The following HAUS3 variants were observed in gnomAD, a reference collection of about 807,000 sequenced individuals.
HAUS3 encodes the protein HAUS augmin like complex subunit 3, also known as HAUS augmin-like complex subunit 3.
In HAUS3, 36 loss-of-function variants were observed where a neutral mutation model predicts 55.2. The observed-to-expected ratio is 0.65, with a 90% CI of 0.50 to 0.86. The LOEUF is 0.86. HAUS3 is among the 40% of genes least tolerant of loss of function. HAUS3 has a pLI of 0.00. For synonymous variants in HAUS3, 234 were observed against 238.6 expected (o/e 0.98, Z 0.18); for missense variants, 752 against 671.5 (o/e 1.12, Z -1.33).
In HAUS3 at chr4:2,238,693, G is replaced by A. The variant is rs1041683115; in HGVS notation, c.1260C>T (p.Tyr420=). 3.1e-6 allele frequency: 5 copies of A among 1,612,898 alleles called. No individual in the cohort carries two copies. Among genetic ancestry groups the A allele is most frequent in the South Asian group, 1.1e-5 (1 of 91,048 alleles). Residue 420 remains tyrosine, a synonymous_variant, in exon 4 of 6, where the codon TAC becomes TAT. Coordinates refer to ENST00000443786, the MANE Select transcript of HAUS3 (RefSeq NM_001303143.2). The part of the protein sequence containing the change: ...QELSQSNMML[Y]KQLEMLTDPS... ...GATCTGTTAACATTTCTAATTGCTTGTAGAGCATCATGTTACTTTGACTAA... is the reference window on the plus strand; with the variant it reads ...GATCTGTTAACATTTCTAATTGCTTATAGAGCATCATGTTACTTTGACTAA...
At chr4:2,232,575 G>C (rs1734620887) in intron 5 of HAUS3, among the ~76,000 whole-genome samples, 7 of 152,138 alleles carry the variant, frequency 4.6e-5, no homozygotes. Flanking sequence ...TGGACAGAAG[G>C]TACAGAGAAA....
intron 3 of HAUS3, 57 bp from the exon 4 acceptor site, chr4:2,239,100 T>A (rs1412921981): frequency 2.1e-6 from 2 of 932,298 alleles, no homozygotes; most frequent in Non-Finnish European, 3.1e-6. Context: ...GAAATCATCT[T>A]AAGATTATTT....
Position 2,240,206 on chromosome 4 carries a change from A to G in HAUS3, c.741T>C (p.Ser247=), listed in dbSNP as rs757362248. Reference sequence around the variant, plus strand: ...CAAGGATTTCTTGATTATCACAAATAGATGGTGTCTGTATATCTAAAAGTT... The same window carrying G: ...CAAGGATTTCTTGATTATCACAAATGGATGGTGTCTGTATATCTAAAAGTT... The part of the protein sequence containing the change: ...NFQLLDIQTP[S]ICDNQEILEE... Residue 247 remains serine (S), a synonymous_variant, in exon 3 of 6, where the codon TCT becomes TCC. Transcript: ENST00000443786. The G allele has an allele frequency of 1.2e-6, 2 of 1,614,010 alleles. No individual in the cohort carries two copies. The highest frequency in any genetic ancestry group is 2.2e-5 in the South Asian group (2 of 91,062).
chr4:2,240,872 T>C lies in HAUS3; in HGVS notation c.75A>G (p.Glu25=). 1 of 1,611,208 alleles carries C rather than the reference T, an allele frequency of 6.2e-7. No homozygotes were observed. The highest frequency in any genetic ancestry group is 8.5e-7 in the Non-Finnish European group (1 of 1,179,704). Reference sequence around the variant, plus strand: ...CGCCCTCAAACAACCAGTCAAAGTCTTCTCCATTAAGATTATCAGCTTTGG... The same window carrying C: ...CGCCCTCAAACAACCAGTCAAAGTCCTCTCCATTAAGATTATCAGCTTTGG... ...GYPKADNLNG[E]DFDWLFEGVE... is the part of the protein sequence containing the mutation. The change falls in exon 3 of 6, where the codon GAA becomes GAG. Residue 25 remains glutamate (E), a synonymous_variant. Coordinates refer to ENST00000443786, the MANE Select transcript of HAUS3 (RefSeq NM_001303143.2).
Position 2,236,339 on chromosome 4 carries a change from C to T in HAUS3, c.1467G>A (p.Leu489=). 6.2e-7 allele frequency: 1 copy of T among 1,612,998 alleles called. No homozygotes were observed. The highest frequency in any genetic ancestry group is 1.3e-5 in the African/African-American group (1 of 75,026). The change falls in exon 5 of 6, where the codon TTG becomes TTA. Residue 489 remains leucine (L), a synonymous_variant. Transcript: ENST00000443786. ...AAGAATGTTCTTGAGCAGATACTGC[C>T]AACTGATCTTGTACTAAAGAAATAT... ...KQNISLVQDQ[L]AVSAQEHSFF... is the part of the protein sequence containing the mutation.
At position 2,231,453 on chromosome 4, in the gene HAUS3, G is replaced by A. The variant is rs1439119331; in HGVS notation, c.*474C>T. 3 of 153,028 alleles carry A rather than the reference G, an allele frequency of 2.0e-5. No homozygotes were observed. The East Asian group carries it at 5.7e-4, about 29-fold the overall frequency. 9.5% of individuals were successfully genotyped at this position (153,028 alleles called of 1,614,324 possible). ...TTTCTACTAAAATACAAAAAAATTA[G>A]CTGGGTGTGGCGGTGTGCGCCTGTA... On this transcript the variant is annotated 3_prime_UTR_variant, in exon 6 of 6. Coordinates refer to ENST00000443786, the MANE Select transcript of HAUS3 (RefSeq NM_001303143.2).
chr4:2,237,167 C>A (rs1406011149), intron 4 of HAUS3, among the ~76,000 whole-genome samples: 5 of 151,984 alleles, frequency 3.3e-5, no homozygotes, highest in African/African-American at 1.2e-4. Context: ...GTAGAAACAA[C>A]AGGCTATGGC....
Position 2,240,117 on chromosome 4 carries a change from A to G in HAUS3, c.830T>C (p.Ile277Thr), listed in dbSNP as rs1194798184. 6.2e-7 allele frequency: 1 copy of G among 1,613,930 alleles called. No individual in the cohort carries two copies. Among genetic ancestry groups the G allele is most frequent in the Admixed American group, 1.7e-5 (1 of 60,004 alleles). The change falls in exon 3 of 6, where the codon ATT (isoleucine) becomes ACT (threonine). Residue 277 changes from isoleucine (I) to threonine (T), a missense_variant. By Grantham distance (89) the Ile-to-Thr change is moderately conservative. Coordinates refer to ENST00000443786, the MANE Select transcript of HAUS3 (RefSeq NM_001303143.2). ...GCTCGAATTACTTGCTTTTAAGTGA[A>G]TTAACTGATGTTGAGCACAAATGTA... ...LAYICAQHQL[I>T]HLKASNSSMK...
intron 4 of HAUS3, among the ~76,000 whole-genome samples, chr4:2,238,313 A>C (rs1734839098): frequency 6.6e-6 from 1 of 152,154 alleles, no homozygotes; most frequent in African/African-American, 2.4e-5. Context: ...CCCAAATCTA[A>C]AATAAGGTAT....
chr4:2,231,903 TAA>T lies in HAUS3; in HGVS notation c.*22_*23del. ...CTAATAAATAAAAGAGGACACGTAA[TAA>T]AGATTCAGTTTTCAGTAATTTTCAA... On this transcript the variant is annotated 3_prime_UTR_variant, in exon 6 of 6. Coordinates refer to ENST00000443786, the MANE Select transcript of HAUS3 (RefSeq NM_001303143.2). The T allele has an allele frequency of 1.0e-6, 1 of 990,734 alleles. No homozygotes were observed. Among genetic ancestry groups the T allele is most frequent in the South Asian group, 1.5e-5 (1 of 68,024 alleles). 61.4% of individuals were successfully genotyped at this position (990,734 alleles called of 1,614,324 possible).
At position 2,241,051 on chromosome 4, in the gene HAUS3, C is replaced by T. The variant is rs1188702213; in HGVS notation, c.-105G>A. The T allele has an allele frequency of 2.5e-6, 2 of 792,492 alleles. No individual in the cohort carries two copies. The highest frequency in any genetic ancestry group is 2.5e-5 in the East Asian group (1 of 39,948). The allele number at this position is 792,492 out of a possible 1,614,324, so 49.1% of individuals were successfully genotyped here. A position where few individuals can be genotyped will look rare whatever the true frequency, so the allele number is the denominator to read the frequency against. On this transcript the variant is annotated 5_prime_UTR_variant, in exon 3 of 6. In the 5' UTR this introduces an upstream ATG that the reference lacks. Coordinates refer to ENST00000443786, the MANE Select transcript of HAUS3 (RefSeq NM_001303143.2). ...AAAGCTACGTTTTATACCAAGTCCA[C>T]AGAGAAGGGAAAATATATTTTTAGA...
chr4:2,233,961 G>A (rs1734669353), intron 5 of HAUS3, among the ~76,000 whole-genome samples: 1 of 151,886 alleles, frequency 6.6e-6, no homozygotes, highest in African/African-American at 2.4e-5. Context: ...AAACCCCAAT[G>A]ACCCTATTTC....
rs879296669 is a variant in HAUS3, at chr4:2,240,732, A to G, written c.215T>C (p.Leu72Pro). 6 of 1,613,940 alleles carry G rather than the reference A, an allele frequency of 3.7e-6. No individual in the cohort carries two copies. Among genetic ancestry groups the G allele is most frequent in the Non-Finnish European group, 4.2e-6 (5 of 1,180,008 alleles). The change falls in exon 3 of 6, where the codon CTA becomes CCA. Residue 72 changes from leucine (L) to proline (P), a missense_variant. Coordinates refer to ENST00000443786, the MANE Select transcript of HAUS3 (RefSeq NM_001303143.2). ...AGCTTCATCCAATGCCGCCCCTTCT[A>G]GAATAGGCTTGCCTGATTTCTGAAG... is the stretch of plus-strand genomic sequence containing the variant. ...SILQKSGKPILEGAALDEALK... is the reference protein window; with the variant it reads ...SILQKSGKPIPEGAALDEALK...
Position 2,240,046 on chromosome 4 carries a change from T to G in HAUS3, c.901A>C (p.Thr301Pro). 1 of 1,612,072 alleles carries G rather than the reference T, an allele frequency of 6.2e-7. No individual in the cohort carries two copies. The highest frequency in any genetic ancestry group is 2.2e-5 in the East Asian group (1 of 44,868). ...KWAEESLHSLTSKAVDKENLD... is the reference protein window; with the variant it reads ...KWAEESLHSLPSKAVDKENLD... ...TCATTTCTTATGCTTACCTTGCTGG[T>G]TAGGCTGTGAAGACTCTCCTCTGCC... The change falls in exon 3 of 6, where the codon ACC becomes CCC. Residue 301 changes from threonine (T) to proline (P), a missense_variant. Physicochemically the swap from Thr to Pro is conservative, Grantham distance 38. Transcript: ENST00000443786.
chr4:2,240,676 T>C lies in HAUS3; in HGVS notation c.271A>G (p.Thr91Ala), dbSNP rs1734950963. 2.5e-6 allele frequency: 4 copies of C among 1,613,976 alleles called. No homozygotes were observed. The highest frequency in any genetic ancestry group is 1.3e-5 in the African/African-American group (1 of 75,050). Residue 91 changes from threonine (T) to alanine (A), a missense_variant, in exon 3 of 6, where the codon ACA becomes GCA. Thr to Ala is a moderately conservative substitution (Grantham distance 58, BLOSUM62 0). Coordinates refer to ENST00000443786, the MANE Select transcript of HAUS3 (RefSeq NM_001303143.2). The stretch of plus-strand genomic sequence containing the variant: ...AGCTCTTTATCATCCAGTCTAGGTG[T>C]CTTCAAATCAGAAGTTTTACACGTT... ...LKTCKTSDLK[T>A]PRLDDKELEK...
chr4:2,231,591 C>CT lies in HAUS3; in HGVS notation c.*335dup, dbSNP rs1320400024. On this transcript the variant is annotated 3_prime_UTR_variant, in exon 6 of 6. Coordinates refer to ENST00000443786, the MANE Select transcript of HAUS3 (RefSeq NM_001303143.2). ...TCCAGCCTGGAGACAGAGTGAGACT[C>CT]TATCTCAAAAAAAAATTTAACGGCA... The CT allele has an allele frequency of 5.7e-6, 1 of 174,634 alleles. No homozygotes were observed. The highest frequency in any genetic ancestry group is 1.8e-4 in the East Asian group (1 of 5,608). The allele number at this position is 174,634 out of a possible 1,614,324, so 10.8% of individuals were successfully genotyped here. A position where few individuals can be genotyped will look rare whatever the true frequency, so the allele number is the denominator to read the frequency against.
rs753286409 is a variant in HAUS3, at chr4:2,238,981, A to G, written c.972T>C (p.Leu324=). 5.7e-6 allele frequency: 9 copies of G among 1,583,552 alleles called. No homozygotes were observed. In the Admixed American group the frequency reaches 7.6e-5, roughly 13 times the overall value. ...CTTTTATTTGAGTGACCTCTTTTTC[A>G]AGTTTCATAATCTCACTGGTCAAGC... ...ISSLTSEIMK[L]EKEVTQIKDR... The change falls in exon 4 of 6, where the codon CTT becomes CTC. Residue 324 remains leucine, a synonymous_variant. Transcript: ENST00000443786.
intron 3 of HAUS3, among the ~76,000 whole-genome samples, chr4:2,239,367 C>T (rs1560106144): frequency 6.6e-6 from 1 of 152,130 alleles, no homozygotes; most frequent in Non-Finnish European, 1.5e-5. Flanking sequence ...ACTAGTTTTT[C>T]TTAAGTTAAA....
At position 2,231,597 on chromosome 4, in the gene HAUS3, C is replaced by CA. The variant is rs532732466; in HGVS notation, c.*329dup. The CA allele has an allele frequency of 2.1e-4, 37 of 172,692 alleles. No homozygotes were observed. Among genetic ancestry groups the CA allele is most frequent in the Non-Finnish European group, 3.4e-4 (28 of 83,104 alleles). 10.7% of individuals were successfully genotyped at this position (172,692 alleles called of 1,614,324 possible). A position where few individuals can be genotyped will look rare whatever the true frequency, so the allele number is the denominator to read the frequency against. On this transcript the variant is annotated 3_prime_UTR_variant, in exon 6 of 6. Coordinates refer to ENST00000443786, the MANE Select transcript of HAUS3 (RefSeq NM_001303143.2). ...CTGGAGACAGAGTGAGACTCTATCT[C>CA]AAAAAAAAATTTAACGGCAGAAAAT...
Sources: gnomAD v4.1 joint callset for allele counts (sites outside exome capture counted in the v4.1 genomes callset) on GRCh38, gnomAD v4.1.1 for gene constraint, MANE v1.5 for transcripts, NCBI Gene and HGNC (gene_info 2026-07-23, HGNC 2026-07-21) for gene names.